The following C12orf56 variants were observed in gnomAD, a reference collection of about 807,000 sequenced individuals.
The protein encoded by C12orf56 is chromosome 12 open reading frame 56, also known as uncharacterized protein C12orf56.
A neutral mutation model predicts 69.9 loss-of-function variants in C12orf56; 71 were observed. The observed-to-expected ratio is 1.02, with a 90% CI of 0.84 to 1.24. The LOEUF is 1.24. C12orf56 is among the 50% of genes most tolerant of loss of function. The pLI is 0.00. For missense variants in C12orf56, 732 were observed against 738.5 expected (o/e 0.99, Z 0.10); for synonymous variants, 276 against 274.1 (o/e 1.01, Z -0.07).
intron 6 of C12orf56, among the ~76,000 whole-genome samples, chr12:64,294,664 G>T (rs2038340900): frequency 6.6e-6 from 1 of 152,016 alleles, no homozygotes; most frequent in African/African-American, 2.4e-5. Flanking sequence ...GTTTCCAGGG[G>T]CTGTGGGTTG....
intron 5 of C12orf56, among the ~76,000 whole-genome samples, chr12:64,311,462 G>A (rs1047274795): frequency 3.3e-5 from 5 of 151,754 alleles, no homozygotes; most frequent in African/African-American, 9.7e-5. Context: ...AACACAGGAC[G>A]TTATGGAGGA....
intron 1 of C12orf56, among the ~76,000 whole-genome samples, chr12:64,363,522 G>T (rs2039425042): frequency 6.6e-6 from 1 of 152,136 alleles, no homozygotes; most frequent in South Asian, 2.1e-4. Flanking sequence ...CACACGCTAG[G>T]GGCCCCTTTG....
intron 3 of C12orf56, among the ~76,000 whole-genome samples, chr12:64,328,032 TATA>T (rs1000201017): frequency 6.6e-6 from 1 of 152,052 alleles, no homozygotes; most frequent in East Asian, 1.9e-4. Context: ...GAAAGAAAGT[TATA>T]ATAATAATGA....
At chr12:64,352,759 A>G in intron 2 of C12orf56, 135 bp downstream of exon 2, 4 of 739,102 alleles carry the variant, frequency 5.4e-6, no homozygotes, top group Non-Finnish European at 7.7e-6. Flanking sequence ...CCCATGCCTA[A>G]ATTTTCCTGG....
intron 5 of C12orf56, among the ~76,000 whole-genome samples, chr12:64,308,889 GAAGAAAGAAAGA>G (rs1173081507): frequency 3.2e-4 from 22 of 69,238 alleles, no homozygotes; most frequent in East Asian, 1.2e-3. Context: ...AAACAGAAAG[GAAGAAAGAAAGA>G]AAGAAAGAAA....
chr12:64,321,560 C>T (rs1292279351), intron 3 of C12orf56, among the ~76,000 whole-genome samples: 1 of 152,166 alleles, frequency 6.6e-6, no homozygotes, highest in East Asian at 1.9e-4. Flanking sequence ...TCTCAAACTC[C>T]TGGGTTCAAG....
In C12orf56 at chr12:64,277,344, A is replaced by G. The variant is rs1184516342; in HGVS notation, c.1434+336T>C. On this transcript the variant is annotated intron_variant, in intron 9 of 12. Coordinates refer to ENST00000543942, the MANE Select transcript of C12orf56 (RefSeq NM_001170633.2). ...CATTAGACCCCTGCTATGGAATTACATATACATCATGTTTTGTACACAGAC... is the reference window on the plus strand; with the variant it reads ...CATTAGACCCCTGCTATGGAATTACGTATACATCATGTTTTGTACACAGAC... 5.3e-5 allele frequency among the ~76,000 whole-genome samples: 8 copies of G among 152,144 alleles called. No homozygotes were observed. The East Asian group carries it at 1.5e-3, about 29-fold the overall frequency.
intron 1 of C12orf56, among the ~76,000 whole-genome samples, chr12:64,354,910 C>T (rs983443428): frequency 6.0e-5 from 9 of 150,072 alleles, no homozygotes; most frequent in African/African-American, 2.2e-4. Flanking sequence ...GAAACCGTGT[C>T]TGTACTAAAA....
intron 9 of C12orf56, among the ~76,000 whole-genome samples, chr12:64,276,513 A>T (rs1592411525): frequency 2.0e-5 from 3 of 152,276 alleles, no homozygotes; most frequent in Admixed American, 2.0e-4. Context: ...CTAATCCACC[A>T]TTGAAAGTGG....
At chr12:64,363,797 C>T (rs548019565) in intron 1 of C12orf56, among the ~76,000 whole-genome samples, 18 of 152,212 alleles carry the variant, frequency 1.2e-4, no homozygotes, top group Non-Finnish European at 2.5e-4. Context: ...ATGTGTGACC[C>T]TTCACCTTTA....
chr12:64,364,313 A>AT lies in C12orf56; in HGVS notation c.253-11258dup, dbSNP rs2039437058. Among the ~76,000 whole-genome samples the AT allele has an allele frequency of 3.3e-5, 5 of 152,048 alleles. 1 individual carries two copies. The South Asian group carries it at 1.0e-3, about 32-fold the overall frequency. On this transcript the variant is annotated intron_variant, in intron 1 of 12. Coordinates refer to ENST00000543942, the MANE Select transcript of C12orf56 (RefSeq NM_001170633.2). ...AACAAAACAAACAAAAACTTCTTAA[A>AT]TTTAAAAAAAAAAGTGTTTTTGCAT...
intron 1 of C12orf56, among the ~76,000 whole-genome samples, chr12:64,378,260 T>C (rs766664713): frequency 6.6e-6 from 1 of 152,218 alleles, no homozygotes; most frequent in Non-Finnish European, 1.5e-5. Flanking sequence ...TGTGCCTGAC[T>C]CTGGCTAATA....
At chr12:64,337,214 G>A (rs1271794695) in intron 2 of C12orf56, among the ~76,000 whole-genome samples, 1 of 151,928 alleles carries the variant, frequency 6.6e-6, no homozygotes, top group Non-Finnish European at 1.5e-5. Context: ...CACCAAGTGT[G>A]TAATTTTTTT....
intron 2 of C12orf56, among the ~76,000 whole-genome samples, chr12:64,344,002 G>C (rs1181732885): frequency 1.3e-5 from 2 of 152,120 alleles, no homozygotes; most frequent in East Asian, 1.9e-4. Flanking sequence ...ACTCGAAGCT[G>C]AGCTAAAACT....
At chr12:64,297,541 G>T (rs993125431) in intron 6 of C12orf56, among the ~76,000 whole-genome samples, 1 of 151,922 alleles carries the variant, frequency 6.6e-6, no homozygotes, top group Non-Finnish European at 1.5e-5. Flanking sequence ...CTATTCCCCC[G>T]TCCGCCGACA....
chr12:64,319,993 C>T (rs191334372), intron 3 of C12orf56, among the ~76,000 whole-genome samples: 3 of 152,318 alleles, frequency 2.0e-5, no homozygotes, highest in Admixed American at 6.5e-5. Flanking sequence ...TTGGCAGACC[C>T]GCCACTGACT....
Position 64,364,629 on chromosome 12 carries a change from G to A in C12orf56, c.253-11573C>T, listed in dbSNP as rs573546513. Among the ~76,000 whole-genome samples, 3 of 152,202 alleles carry A rather than the reference G, an allele frequency of 2.0e-5. No homozygotes were observed. The East Asian group carries it at 5.8e-4, about 29-fold the overall frequency. On this transcript the variant is annotated intron_variant, in intron 1 of 12. Coordinates refer to ENST00000543942, the MANE Select transcript of C12orf56 (RefSeq NM_001170633.2). Reference sequence around the variant, plus strand: ...AGGTCTATGCTGCTCCACTGAAAAAGGACACTGTCAGTTTGTACCTAGTTT... The same window carrying A: ...AGGTCTATGCTGCTCCACTGAAAAAAGACACTGTCAGTTTGTACCTAGTTT...
intron 1 of C12orf56, among the ~76,000 whole-genome samples, chr12:64,367,630 C>T (rs183248434): frequency 6.3e-4 from 94 of 149,648 alleles, no homozygotes; most frequent in African/African-American, 2.2e-3. Context: ...CTCAGCCTCC[C>T]GAGTAGCTGA....
intron 1 of C12orf56, among the ~76,000 whole-genome samples, chr12:64,383,021 A>C (rs1303639151): frequency 6.6e-6 from 1 of 152,000 alleles, no homozygotes; most frequent in Non-Finnish European, 1.5e-5. Context: ...TTAAACTTTG[A>C]AACTTTGATC....
Sources: allele counts gnomAD v4.1 joint callset (sites outside exome capture counted in the v4.1 genomes callset), GRCh38; gene constraint gnomAD v4.1.1; transcripts MANE v1.5; gene names NCBI Gene and HGNC (gene_info 2026-07-23, HGNC 2026-07-21).